XDH: variants seen among roughly 807,000 people sequenced by gnomAD.
XDH encodes the protein xanthine dehydrogenase.
Under a neutral mutation model 156.1 loss-of-function variants are expected in XDH, and 138 were observed. The ratio of observed to expected loss-of-function variants is 0.88; its 90% CI spans 0.77 to 1.02. XDH has a LOEUF of 1.02. Ranked by LOEUF, XDH falls within the 50% of genes least tolerant of loss-of-function variation. The pLI, the probability that XDH is intolerant of heterozygous loss-of-function variation, is 0.00. For synonymous variants in XDH, 669 were observed against 625.7 expected, an observed-to-expected ratio of 1.07 and a Z score of -1.03; for missense variants, 1,849 against 1,684.9, an observed-to-expected ratio of 1.10 and a Z score of -1.71.
intron 18 of XDH, 33 bp downstream of exon 18, chr2:31,370,322 A>C: frequency 6.2e-7 from 1 of 1,611,838 alleles, no homozygotes; most frequent in East Asian, 2.2e-5. Flanking sequence ...ATACTTATTC[A>C]ATTTACTTCA....
At chr2:31,353,089 T>A (rs1359140989) in intron 24 of XDH, among the ~76,000 whole-genome samples, 3 of 151,902 alleles carry the variant, frequency 2.0e-5, no homozygotes, top group Non-Finnish European at 2.9e-5. Flanking sequence ...AAAATTAAGA[T>A]TTAAAAAACT....
intron 11 of XDH, among the ~76,000 whole-genome samples, chr2:31,382,685 G>C (rs1037593102): frequency 1.1e-4 from 16 of 152,308 alleles, no homozygotes; most frequent in Admixed American, 4.6e-4. Flanking sequence ...GCTCAGGAAG[G>C]GGGAGGGAGG....
chr2:31,374,973 C>T (rs1171236487), intron 15 of XDH, among the ~76,000 whole-genome samples: 2 of 151,668 alleles, frequency 1.3e-5, no homozygotes, highest in African/African-American at 2.4e-5. Context: ...TCATCACACT[C>T]TGCATTCCCT....
chr2:31,373,498 C>T (rs1227614556), intron 16 of XDH, among the ~76,000 whole-genome samples: 4 of 151,802 alleles, frequency 2.6e-5, no homozygotes, highest in African/African-American at 4.8e-5. Context: ...TGACCCTTTA[C>T]GTAGCACCTC....
chr2:31,379,857 AAC>A lies in XDH; in HGVS notation c.1242+8_1242+9del. The A allele has an allele frequency of 6.2e-7, 1 of 1,613,728 alleles. No homozygotes were observed. ...TTGAGCAGAGCCTGGAACCACTTCCAACATCTCACCTCCCTGCTGTAGGGGAT... is the reference window on the plus strand; with the variant it reads ...TTGAGCAGAGCCTGGAACCACTTCCAATCTCACCTCCCTGCTGTAGGGGAT... On this transcript the variant is annotated splice_region_variant and intron_variant, in intron 13 of 35. Coordinates refer to ENST00000379416, the MANE Select transcript of XDH (RefSeq NM_000379.4).
chr2:31,374,994 CCTTTCTTTCTTTCTTT>C, intron 15 of XDH, among the ~76,000 whole-genome samples: 1 of 134,396 alleles, frequency 7.4e-6, no homozygotes, highest in Non-Finnish European at 1.5e-5. Flanking sequence ...TTCTTTTTTT[CCTTTCTTTCTTTCTTT>C]CTTTCTTTCT....
chr2:31,338,550 C>T (rs948515217), intron 34 of XDH, among the ~76,000 whole-genome samples: 3 of 152,028 alleles, frequency 2.0e-5, no homozygotes, highest in African/African-American at 7.2e-5. Context: ...AAGTAAACCA[C>T]GAGATGAGCA....
At chr2:31,353,440 T>C (rs1025767476) in intron 24 of XDH, among the ~76,000 whole-genome samples, 2 of 152,182 alleles carry the variant, frequency 1.3e-5, no homozygotes, top group Admixed American at 6.5e-5. Flanking sequence ...TGGAATTCTA[T>C]ATATTTATTT....
chr2:31,348,284 TGAA>T lies in XDH; in HGVS notation c.3128_3130del (p.Leu1043del), dbSNP rs1685356852. ...GCTGCTCACCTGGACCATTTTGGTATGAAGGCCTTGGCCCATCTCAGTCCCCCC... is the reference window on the plus strand; with the variant it reads ...GCTGCTCACCTGGACCATTTTGGTATGGCCTTGGCCCATCTCAGTCCCCCC... On this transcript the variant is annotated inframe_deletion, in exon 28 of 36. Coordinates refer to ENST00000379416, the MANE Select transcript of XDH (RefSeq NM_000379.4). 3.1e-6 allele frequency: 5 copies of T among 1,614,200 alleles called. No individual in the cohort carries two copies. The highest frequency in any genetic ancestry group is 4.2e-6 in the Non-Finnish European group (5 of 1,180,030).
chr2:31,346,000 G>A (rs1685279110), intron 30 of XDH, among the ~76,000 whole-genome samples: 1 of 152,216 alleles, frequency 6.6e-6, no homozygotes, highest in African/African-American at 2.4e-5. Flanking sequence ...TAAGATGAGT[G>A]GGTCTGAGAA....
At chr2:31,370,106 A>G (rs1357588831) in intron 18 of XDH, among the ~76,000 whole-genome samples, 1 of 152,246 alleles carries the variant, frequency 6.6e-6, no homozygotes, top group Non-Finnish European at 1.5e-5. Context: ...TTCAAATGCA[A>G]TCACCAGTGT....
At chr2:31,398,773 C>A (rs1261450088) in intron 4 of XDH, 74 bp from the exon 5 acceptor site, 11 of 1,602,002 alleles carry the variant, frequency 6.9e-6, no homozygotes, top group Non-Finnish European at 9.4e-6. Context: ...TCGACTGGAG[C>A]CAGCACATGT....
At chr2:31,339,784 G>A in intron 33 of XDH, 107 bp from the exon 34 acceptor site, 1 of 1,451,974 alleles carries the variant, frequency 6.9e-7, no homozygotes, top group Non-Finnish European at 9.4e-7. Flanking sequence ...GGCCTGGAAT[G>A]TAGCTAAAAC....
intron 24 of XDH, among the ~76,000 whole-genome samples, chr2:31,361,561 A>C (rs1316249185): frequency 6.6e-6 from 1 of 152,200 alleles, no homozygotes; most frequent in Non-Finnish European, 1.5e-5. Context: ...AAAAAACAGA[A>C]AAATCTAAAA....
chr2:31,377,157 T>C lies in XDH; in HGVS notation c.1323A>G (p.Leu441=). ...GTACCTCTGTGGTTCCTGGCTTGAATAAAACTCTCATGCCACTGGTTACCT... is the reference window on the plus strand; with the variant it reads ...GTACCTCTGTGGTTCCTGGCTTGAACAAAACTCTCATGCCACTGGTTACCT... ...IAKVTSGMRV[L]FKPGTTEVQE... The change falls in exon 14 of 36, where the codon TTA becomes TTG. Residue 441 remains leucine (L), a synonymous_variant. Transcript: ENST00000379416. The C allele has an allele frequency of 6.2e-7, 1 of 1,614,128 alleles. No individual in the cohort carries two copies. Among genetic ancestry groups the C allele is most frequent in the South Asian group, 1.1e-5 (1 of 91,082 alleles).
At chr2:31,376,385 C>G (rs1444012978) in intron 14 of XDH, among the ~76,000 whole-genome samples, 1 of 149,462 alleles carries the variant, frequency 6.7e-6, no homozygotes, top group Non-Finnish European at 1.5e-5. Flanking sequence ...AGCAGTAATA[C>G]TACTGTTAGT....
intron 18 of XDH, 126 bp from the exon 19 acceptor site, chr2:31,368,786 C>A: frequency 6.5e-7 from 1 of 1,550,348 alleles, no homozygotes; most frequent in Non-Finnish European, 8.8e-7. Flanking sequence ...TAGGAATGCC[C>A]TAGGGCCTCT....
intron 2 of XDH, 86 bp from the exon 3 acceptor site, chr2:31,403,230 G>A (rs1310495430): frequency 6.9e-7 from 1 of 1,447,490 alleles, no homozygotes; most frequent in African/African-American, 1.4e-5. Context: ...GCTGTGGGCA[G>A]AGCCATTCAT....
Position 31,375,392 on chromosome 2 carries a change from C to T in XDH, c.1590G>A (p.Glu530=). 3 of 1,614,194 alleles carry T rather than the reference C, an allele frequency of 1.9e-6. No homozygotes were observed. The highest frequency in any genetic ancestry group is 2.2e-5 in the East Asian group (1 of 44,882). The change falls in exon 15 of 36, where the codon GAG becomes GAA. Residue 530 remains glutamate (E), a synonymous_variant. Coordinates refer to ENST00000379416, the MANE Select transcript of XDH (RefSeq NM_000379.4). ...AGGCCCCACTCACGTCTTCCAGGTT[C>T]TCTTGGCCCAGCTTCTGAAGGACTG... ...YLTVLQKLGQ[E]NLEDKCGKLD...
Sources: gnomAD v4.1 joint callset for allele counts (sites outside exome capture counted in the v4.1 genomes callset) on GRCh38, gnomAD v4.1.1 for gene constraint, MANE v1.5 for transcripts, NCBI Gene and HGNC (gene_info 2026-07-23, HGNC 2026-07-21) for gene names.